The following REPS2 variants were observed in gnomAD, a reference collection of about 807,000 sequenced individuals.
The protein encoded by REPS2 is ralBP1-associated Eps domain-containing protein 2.
A neutral mutation model predicts 53.6 loss-of-function variants in REPS2; 23 were observed. The observed-to-expected ratio is 0.43, with a 90% CI of 0.31 to 0.61. The LOEUF (loss-of-function observed/expected upper bound fraction) is 0.61, where lower values mean the gene tolerates loss of function less well. REPS2 is among the 20% of genes least tolerant of loss of function. The pLI is 0.11. For missense variants in REPS2, 446 were observed against 534.9 expected (o/e 0.83, Z 1.64); for synonymous variants, 238 against 218.6 (o/e 1.09, Z -0.78).
intron 1 of REPS2, among the ~76,000 whole-genome samples, chrX:16,983,128 T>C (rs1271527819): frequency 8.9e-6 from 1 of 112,017 alleles, no homozygotes; most frequent in Non-Finnish European, 1.9e-5. Flanking sequence ...TGCTGAAGTT[T>C]AGAAACCCTG....
At chrX:17,094,063 T>A (rs758946614) in intron 13 of REPS2, among the ~76,000 whole-genome samples, 4 of 112,201 alleles carry the variant, frequency 3.6e-5, no homozygotes, top group Non-Finnish European at 7.5e-5. Flanking sequence ...CTTTTATTAC[T>A]GTATCCTGTG....
chrX:16,968,337 G>A (rs1393163749), intron 1 of REPS2, among the ~76,000 whole-genome samples: 50 of 112,406 alleles, frequency 4.4e-4, no homozygotes, highest in African/African-American at 1.5e-3. Context: ...ATCATGGCCC[G>A]TTCTCAGTGA....
chrX:16,969,596 C>A (rs1219675036), intron 1 of REPS2, among the ~76,000 whole-genome samples: 1 of 109,721 alleles, frequency 9.1e-6, no homozygotes, highest in African/African-American at 3.3e-5. Context: ...CGTGGCGGCG[C>A]GCGCCTGCAA....
At chrX:17,056,564 G>A (rs1355850596) in intron 8 of REPS2, among the ~76,000 whole-genome samples, 5 of 110,624 alleles carry the variant, frequency 4.5e-5, no homozygotes, top group East Asian at 5.7e-4. Flanking sequence ...GTGTGGTGGC[G>A]GGTGCCTGTA....
chrX:17,108,774 T>C (rs889719469), intron 14 of REPS2, among the ~76,000 whole-genome samples: 4 of 111,212 alleles, frequency 3.6e-5, no homozygotes, highest in African/African-American at 1.3e-4. Context: ...TCACTAGCAA[T>C]GTAATGAGTA....
Position 17,025,375 on chromosome X carries a change from A to G in REPS2, c.673+190A>G, listed in dbSNP as rs1352994505. ...AAAATTGATTTAAACATATTTGAGTAATGTTTCATCTCCTGTCCTAGAAAC... is the reference window on the plus strand; with the variant it reads ...AAAATTGATTTAAACATATTTGAGTGATGTTTCATCTCCTGTCCTAGAAAC... On this transcript the variant is annotated intron_variant, in intron 4 of 17. Transcript: ENST00000357277. Among the ~76,000 whole-genome samples, 12 of 112,423 alleles carry G rather than the reference A, an allele frequency of 1.1e-4. No individual in the cohort carries two copies. The Admixed American group carries it at 1.1e-3, about 11-fold the overall frequency.
chrX:17,135,702 G>T, intron 16 of REPS2: 1 of 247,616 alleles, frequency 4.0e-6, no homozygotes, highest in Non-Finnish European at 7.2e-6. Flanking sequence ...TTCCTTGTGA[G>T]GGCCCAAATT....
At chrX:17,183,386 TTAAAAA>T in the REPS2 span, among the ~76,000 whole-genome samples, 1 of 112,050 alleles carries the variant, frequency 8.9e-6, no homozygotes, top group Non-Finnish European at 1.9e-5. Context: ...TTACTGTCAA[TTAAAAA>T]TAAAATTAAA....
chrX:16,996,258 G>A (rs979146837), intron 1 of REPS2, among the ~76,000 whole-genome samples: 2 of 111,929 alleles, frequency 1.8e-5, no homozygotes, highest in Non-Finnish European at 3.8e-5. Flanking sequence ...AGGTCAGTCT[G>A]CAATGTAATG....
At chrX:17,116,390 T>C (rs972384124) in intron 14 of REPS2, among the ~76,000 whole-genome samples, 2 of 110,129 alleles carry the variant, frequency 1.8e-5, no homozygotes, top group African/African-American at 6.6e-5. Flanking sequence ...TTTGTATTTT[T>C]TGTAGAGATG....
intron 14 of REPS2, among the ~76,000 whole-genome samples, chrX:17,132,067 C>T (rs769716544): frequency 8.1e-5 from 9 of 111,735 alleles, no homozygotes; most frequent in Non-Finnish European, 1.3e-4. Context: ...CATGGTAAAA[C>T]CCAATGAAGT....
In REPS2 at chrX:17,148,189, C is replaced by T. The variant is rs1271747239; in HGVS notation, c.*708C>T. ...AGCTGTTTAACTTGGCCAAGCTAGGCTGTCAACCCAGACAACTCAGTCCTT... is the reference window on the plus strand; with the variant it reads ...AGCTGTTTAACTTGGCCAAGCTAGGTTGTCAACCCAGACAACTCAGTCCTT... On this transcript the variant is annotated 3_prime_UTR_variant, in exon 18 of 18. Coordinates refer to ENST00000357277, the MANE Select transcript of REPS2 (RefSeq NM_004726.3). The T allele has an allele frequency of 8.9e-6, 1 of 112,601 alleles. No homozygotes were observed. The highest frequency in any genetic ancestry group is 1.9e-5 in the Non-Finnish European group (1 of 53,321). The allele number at this position is 112,601 out of a possible 1,213,427, so 9.3% of individuals were successfully genotyped here.
chrX:17,108,899 T>C (rs1481398270), intron 14 of REPS2, among the ~76,000 whole-genome samples: 1 of 108,641 alleles, frequency 9.2e-6, no homozygotes, highest in Non-Finnish European at 1.9e-5. Flanking sequence ...ATGAAATTAG[T>C]TTTAAAGAAA....
intron 8 of REPS2, among the ~76,000 whole-genome samples, chrX:17,059,970 A>G (rs994169002): frequency 8.9e-6 from 1 of 112,596 alleles, no homozygotes; most frequent in Non-Finnish European, 1.9e-5. Flanking sequence ...TAGTTTCATC[A>G]AGAGTCTCCT....
chrX:16,964,475 C>T (rs1282424340), intron 1 of REPS2, among the ~76,000 whole-genome samples: 3 of 109,002 alleles, frequency 2.8e-5, no homozygotes, highest in Non-Finnish European at 5.8e-5. Flanking sequence ...ATCTTTTCCC[C>T]ACCTTTCCCC....
intron 1 of REPS2, among the ~76,000 whole-genome samples, chrX:16,967,525 G>A (rs1026771064): frequency 9.0e-4 from 99 of 110,546 alleles, no homozygotes; most frequent in Non-Finnish European, 1.8e-3. Context: ...TTAGCCAGGT[G>A]TCATGGTGCA....
chrX:17,054,131 C>G (rs982471255), intron 7 of REPS2, among the ~76,000 whole-genome samples: 1 of 111,887 alleles, frequency 8.9e-6, no homozygotes, highest in Non-Finnish European at 1.9e-5. Context: ...GAAATAATGA[C>G]TGAAGTTAAG....
chrX:16,990,676 A>G (rs779601564), intron 1 of REPS2, among the ~76,000 whole-genome samples: 2 of 108,751 alleles, frequency 1.8e-5, no homozygotes, highest in Non-Finnish European at 3.8e-5. Flanking sequence ...GACTGTGTCA[A>G]TAGAGACACA....
At chrX:17,140,757 TATTATTATTATTATTATTATTA>T (rs2063433198) in intron 17 of REPS2, among the ~76,000 whole-genome samples, 1 of 101,932 alleles carries the variant, frequency 9.8e-6, no homozygotes, top group African/African-American at 3.6e-5. Flanking sequence ...TTATTATTAT[TATTATTATTATTATTATTATTA>T]TTATTATTTG....
Sources: allele counts gnomAD v4.1 joint callset (sites outside exome capture counted in the v4.1 genomes callset), GRCh38; gene constraint gnomAD v4.1.1; transcripts MANE v1.5; gene names NCBI Gene and HGNC (gene_info 2026-07-23, HGNC 2026-07-21).